Variants in THRB observed in about 807,000 individuals in gnomAD.
THRB encodes nuclear receptor subfamily 1 group A member 2.
THRB carries 12 observed loss-of-function variants against 47.8 expected under a neutral mutation model. The observed-to-expected ratio is 0.25, with a 90% CI of 0.16 to 0.41. THRB has a LOEUF of 0.41. THRB is among the 10% of genes least tolerant of loss of function. THRB has a pLI of 1.00. For missense variants in THRB, 348 were observed against 589.2 expected, an observed-to-expected ratio of 0.59 and a Z score of 4.24; for synonymous variants, 218 against 212.2, an observed-to-expected ratio of 1.03 and a Z score of -0.24.
intron 8 of THRB, among the ~76,000 whole-genome samples, chr3:24,135,846 TA>T (rs72016386): frequency 0.022 from 2,635 of 121,056 alleles, 93 homozygotes; most frequent in African/African-American, 0.082. Flanking sequence ...TATATATATA[TA>T]ATACATAAAT....
chr3:24,355,772 T>A (rs529056941), intron 1 of THRB, among the ~76,000 whole-genome samples: 2,553 of 152,240 alleles, frequency 0.017, 77 homozygotes, highest in African/African-American at 0.056. Context: ...CGTATATTAG[T>A]AAAAACACAT....
chr3:24,213,737 G>A (rs144526406), intron 4 of THRB, among the ~76,000 whole-genome samples: 1 of 152,322 alleles, frequency 6.6e-6, no homozygotes, highest in African/African-American at 2.4e-5. Context: ...AGTGCGACTA[G>A]AAGACTCATT....
At chr3:24,248,666 G>T (rs1365166470) in intron 3 of THRB, among the ~76,000 whole-genome samples, 1 of 152,156 alleles carries the variant, frequency 6.6e-6, no homozygotes, top group Non-Finnish European at 1.5e-5. Context: ...TGCCCCAGGA[G>T]CATCCTCCAG....
intron 2 of THRB, among the ~76,000 whole-genome samples, chr3:24,301,186 A>G (rs1390239942): frequency 6.6e-6 from 1 of 152,184 alleles, no homozygotes; most frequent in African/African-American, 2.4e-5. Flanking sequence ...GGCCCTGTCA[A>G]CACCTTGATT....
intron 3 of THRB, among the ~76,000 whole-genome samples, chr3:24,261,100 A>G (rs909073749): frequency 3.7e-5 from 4 of 107,878 alleles, no homozygotes; most frequent in African/African-American, 2.0e-4. Flanking sequence ...CCTCCCACTT[A>G]GAGACATGTT....
chr3:24,287,346 A>T (rs1005438718), intron 3 of THRB, among the ~76,000 whole-genome samples: 1 of 152,206 alleles, frequency 6.6e-6, no homozygotes, highest in Admixed American at 6.5e-5. Context: ...ACAGAAAAAG[A>T]ACCTGCAGTT....
chr3:24,432,225 G>C (rs1205389238), intron 1 of THRB, among the ~76,000 whole-genome samples: 2 of 152,130 alleles, frequency 1.3e-5, no homozygotes, highest in Non-Finnish European at 2.9e-5. Flanking sequence ...AAAAGAGAGA[G>C]ACCAAGGAAG....
intron 2 of THRB, among the ~76,000 whole-genome samples, chr3:24,318,893 ATAGT>A (rs1280349133): frequency 6.6e-6 from 1 of 152,216 alleles, no homozygotes; most frequent in African/African-American, 2.4e-5. Context: ...AGAAAGAGAA[ATAGT>A]TAGGATTCCT....
intron 3 of THRB, among the ~76,000 whole-genome samples, chr3:24,272,828 G>T (rs2053494836): frequency 6.6e-6 from 1 of 152,066 alleles, no homozygotes; most frequent in Non-Finnish European, 1.5e-5. Context: ...TTCATTCGCA[G>T]GATTATTTTA....
At chr3:24,233,837 C>T (rs1404389589) in intron 3 of THRB, among the ~76,000 whole-genome samples, 2 of 152,112 alleles carry the variant, frequency 1.3e-5, no homozygotes, top group African/African-American at 4.8e-5. Context: ...GGACAGAGAA[C>T]GGGTGGAGAG....
chr3:24,128,860 ACT>A (rs1249462480), intron 9 of THRB, among the ~76,000 whole-genome samples: 8 of 75,958 alleles, frequency 1.1e-4, no homozygotes, highest in African/African-American at 3.2e-4. Context: ...AGGAAACATA[ACT>A]CTTTTTTTTT....
intron 1 of THRB, among the ~76,000 whole-genome samples, chr3:24,464,782 G>C (rs1356878015): frequency 6.6e-6 from 1 of 152,030 alleles, no homozygotes; most frequent in Non-Finnish European, 1.5e-5. Context: ...TATTTCTGTA[G>C]AGATTATTTC....
At chr3:24,280,321 G>A (rs2054423885) in intron 3 of THRB, among the ~76,000 whole-genome samples, 1 of 152,054 alleles carries the variant, frequency 6.6e-6, no homozygotes, top group Non-Finnish European at 1.5e-5. Context: ...ACCCCAGCAG[G>A]GACAGACTGA....
intron 1 of THRB, among the ~76,000 whole-genome samples, chr3:24,477,007 A>ATTTTTTTTTTTTTTTTTTTTTTTT (rs558247174): frequency 1.6e-4 from 20 of 126,456 alleles, no homozygotes; most frequent in African/African-American, 6.2e-4. Context: ...GGTTTTCAAG[A>ATTTTTTTTTTTTTTTTTTTTTTTT]TTTTTTTTTT....
intron 2 of THRB, among the ~76,000 whole-genome samples, chr3:24,302,704 A>G (rs564554032): frequency 3.1e-4 from 47 of 152,270 alleles, no homozygotes; most frequent in African/African-American, 1.1e-3. Context: ...CATTTACTAT[A>G]CTTCTTCTCT....
intron 5 of THRB, among the ~76,000 whole-genome samples, chr3:24,181,840 T>C (rs2041935851): frequency 6.6e-6 from 1 of 152,236 alleles, no homozygotes; most frequent in Non-Finnish European, 1.5e-5. Context: ...AGGAATCTTA[T>C]CCAATTCATC....
chr3:24,283,912 T>C (rs1424927775), intron 3 of THRB, among the ~76,000 whole-genome samples: 1 of 145,146 alleles, frequency 6.9e-6, no homozygotes, highest in African/African-American at 2.5e-5. Context: ...TACAAACCAC[T>C]GCTCAAGGAA....
Position 24,230,468 on chromosome 3 carries a change from G to T in THRB, c.-42-1467C>A, listed in dbSNP as rs141798452. On this transcript the variant is annotated intron_variant, in intron 3 of 10. Transcript: ENST00000646209. ...CTGATGGAGAGGATGAGTATTCACT[G>T]CTAGGAAAATGCATTCTTGCCTCTG... Among the ~76,000 whole-genome samples, 1,077 of 152,290 alleles carry T rather than the reference G, an allele frequency of 7.1e-3. 11 individuals are homozygous for T. The highest frequency in any genetic ancestry group is 0.024 in the African/African-American group (1,017 of 41,562).
chr3:24,162,579 T>G (rs2039030543), intron 5 of THRB, among the ~76,000 whole-genome samples: 1 of 151,894 alleles, frequency 6.6e-6, no homozygotes, highest in Admixed American at 6.6e-5. Flanking sequence ...CCTCAATTCT[T>G]GAAGCTTTAT....
Sources: allele counts gnomAD v4.1 joint callset (sites outside exome capture counted in the v4.1 genomes callset), GRCh38; gene constraint gnomAD v4.1.1; transcripts MANE v1.5; gene names NCBI Gene and HGNC (gene_info 2026-07-23, HGNC 2026-07-21).